The following DPP10 variants were observed in gnomAD, a reference collection of about 807,000 sequenced individuals.
DPP10 encodes dipeptidyl peptidase like 10, also known as inactive dipeptidyl peptidase 10.
In DPP10, 33 loss-of-function variants were observed where a neutral mutation model predicts 120.9. The ratio of observed to expected loss-of-function variants is 0.27; its 90% CI spans 0.21 to 0.37. The LOEUF is 0.37. Ranked by LOEUF, DPP10 falls within the 10% of genes least tolerant of loss-of-function variation. DPP10 has a pLI of 1.00. For missense variants in DPP10, 816 were observed against 942.8 expected (o/e 0.87, Z 1.76); for synonymous variants, 337 against 326.1 (o/e 1.03, Z -0.36).
At chr2:114,555,318 C>A (rs1050022756) in intron 1 of DPP10, among the ~76,000 whole-genome samples, 8 of 152,150 alleles carry the variant, frequency 5.3e-5, no homozygotes, top group African/African-American at 1.9e-4. Flanking sequence ...TGCCAAGCAC[C>A]ATTTTCAGCA....
In DPP10 at chr2:114,681,198, CAT is replaced by C. The variant is rs369954057; in HGVS notation, c.60+238362_60+238363del. Among the ~76,000 whole-genome samples the C allele has an allele frequency of 9.4e-4, 143 of 152,010 alleles. 2 individuals are homozygous for C. The South Asian group carries it at 0.028, about 29-fold the overall frequency. On this transcript the variant is annotated intron_variant, in intron 1 of 25. Transcript: ENST00000410059. Reference sequence around the variant, plus strand: ...TGTTGCTTACTTTGAATTGCTCTGACATAATTTGTTTTTAAACACCATCATGC... The same window carrying C: ...TGTTGCTTACTTTGAATTGCTCTGACAATTTGTTTTTAAACACCATCATGC...
chr2:115,623,937 GA>G (rs780372359), intron 5 of DPP10, among the ~76,000 whole-genome samples: 1 of 152,066 alleles, frequency 6.6e-6, no homozygotes, highest in Non-Finnish European at 1.5e-5. Flanking sequence ...AAAGACCCTA[GA>G]AACAAAACGA....
intron 7 of DPP10, among the ~76,000 whole-genome samples, chr2:115,704,654 C>T (rs2092028935): frequency 6.6e-6 from 1 of 151,838 alleles, no homozygotes; most frequent in East Asian, 1.9e-4. Flanking sequence ...GGGAAAAAGT[C>T]ATGTATGAGA....
chr2:115,226,798 T>G (rs2057455729), intron 1 of DPP10, among the ~76,000 whole-genome samples: 2 of 152,192 alleles, frequency 1.3e-5, no homozygotes, highest in Non-Finnish European at 2.9e-5. Context: ...GAGCAAAGTT[T>G]CTTGTTTCAG....
chr2:115,753,887 T>G (rs1679070163), intron 11 of DPP10, among the ~76,000 whole-genome samples: 1 of 152,126 alleles, frequency 6.6e-6, no homozygotes, highest in Non-Finnish European at 1.5e-5. Flanking sequence ...GTTTAAACGG[T>G]TATGTGTATG....
intron 1 of DPP10, among the ~76,000 whole-genome samples, chr2:114,823,895 C>T (rs959554100): frequency 6.6e-6 from 1 of 152,204 alleles, no homozygotes; most frequent in Non-Finnish European, 1.5e-5. Flanking sequence ...ATCACAAAAA[C>T]TCAGTCTCTA....
intron 1 of DPP10, among the ~76,000 whole-genome samples, chr2:114,464,198 G>A (rs13397953): frequency 0.1 from 15,462 of 152,130 alleles, 2,601 homozygotes; most frequent in African/African-American, 0.35. Context: ...ACTGTCTTTC[G>A]AAGTGGCTAT....
chr2:114,746,054 T>C (rs1425929198), intron 1 of DPP10, among the ~76,000 whole-genome samples: 2 of 152,234 alleles, frequency 1.3e-5, no homozygotes, highest in African/African-American at 4.8e-5. Context: ...ACTACTTTTG[T>C]GCCATTTCCC....
At chr2:115,157,814 T>C (rs2052025197) in intron 1 of DPP10, among the ~76,000 whole-genome samples, 1 of 152,194 alleles carries the variant, frequency 6.6e-6, no homozygotes, top group African/African-American at 2.4e-5. Context: ...GTGAACTCTG[T>C]CTTCTTGATG....
At chr2:115,211,952 C>T (rs2056542307) in intron 1 of DPP10, among the ~76,000 whole-genome samples, 1 of 152,068 alleles carries the variant, frequency 6.6e-6, no homozygotes, top group African/African-American at 2.4e-5. Context: ...ATGCAAAAGA[C>T]AGGTCAACAC....
chr2:115,625,128 G>A (rs1180132337), intron 5 of DPP10, among the ~76,000 whole-genome samples: 2 of 152,066 alleles, frequency 1.3e-5, no homozygotes, highest in African/African-American at 4.8e-5. Context: ...AGCTGGAAGG[G>A]ATTGATAATA....
rs145605250 is a variant in DPP10, at chr2:115,647,260, A to G, written c.442-42427A>G. 2.0e-4 allele frequency among the ~76,000 whole-genome samples: 30 copies of G among 152,296 alleles called. 1 individual carries two copies. In the East Asian group the frequency reaches 5.8e-3, roughly 29 times the overall value. ...AAGTGCCGCTCTATACATTACCCAGAGAAATGCCTTCTGAATTCTAGAATT... is the reference window on the plus strand; with the variant it reads ...AAGTGCCGCTCTATACATTACCCAGGGAAATGCCTTCTGAATTCTAGAATT... On this transcript the variant is annotated intron_variant, in intron 5 of 25. Transcript: ENST00000410059.
intron 5 of DPP10, among the ~76,000 whole-genome samples, chr2:115,674,333 C>G (rs1025812732): frequency 6.7e-6 from 1 of 149,612 alleles, no homozygotes. Context: ...CTTTTGGAAT[C>G]AAGCACAAGT....
chr2:115,302,820 T>A (rs534307978), intron 1 of DPP10, among the ~76,000 whole-genome samples: 12 of 151,968 alleles, frequency 7.9e-5, no homozygotes, highest in Non-Finnish European at 1.5e-4. Context: ...TTGTAATAAG[T>A]TATAAAAAAA....
intron 1 of DPP10, among the ~76,000 whole-genome samples, chr2:114,713,799 A>G (rs1482629925): frequency 6.6e-6 from 1 of 152,000 alleles, no homozygotes; most frequent in Non-Finnish European, 1.5e-5. Flanking sequence ...CAGCCTGGCC[A>G]ACATGGTGAA....
At chr2:114,448,468 A>C (rs569096430) in intron 1 of DPP10, among the ~76,000 whole-genome samples, 4 of 152,310 alleles carry the variant, frequency 2.6e-5, no homozygotes, top group African/African-American at 9.6e-5. Flanking sequence ...TAGTAAGCTA[A>C]GATAGTGGTT....
intron 5 of DPP10, among the ~76,000 whole-genome samples, chr2:115,587,089 C>CTTTTTTTTTTTTTTTT (rs756810925): frequency 1.1e-3 from 110 of 103,910 alleles, no homozygotes; most frequent in African/African-American, 1.4e-3. Flanking sequence ...TTTTCTCTTT[C>CTTTTTTTTTTTTTTTT]TTTTTTTTTT....
At chr2:114,689,474 A>G (rs148362193) in intron 1 of DPP10, among the ~76,000 whole-genome samples, 113 of 152,082 alleles carry the variant, frequency 7.4e-4, no homozygotes, top group African/African-American at 2.6e-3. Flanking sequence ...TTCCTTATTC[A>G]ATCTATCATT....
intron 1 of DPP10, among the ~76,000 whole-genome samples, chr2:114,980,366 A>C (rs951489140): frequency 1.3e-5 from 2 of 152,050 alleles, no homozygotes; most frequent in African/African-American, 4.8e-5. Context: ...TTTATCTTTT[A>C]ATAATAATAT....
Sources: allele counts gnomAD v4.1 joint callset (sites outside exome capture counted in the v4.1 genomes callset), GRCh38; gene constraint gnomAD v4.1.1; transcripts MANE v1.5; gene names NCBI Gene and HGNC (gene_info 2026-07-23, HGNC 2026-07-21).